Variants in TMEM108 observed in about 807,000 individuals in gnomAD.
The protein encoded by TMEM108 is cancer/testis antigen 124.
Under a neutral mutation model 35.1 loss-of-function variants are expected in TMEM108, and 12 were observed. That is an observed-to-expected ratio of 0.34 (90% CI 0.22 to 0.55). The LOEUF is 0.55. Ranked by LOEUF, TMEM108 falls within the 20% of genes least tolerant of loss-of-function variation. The pLI, the probability that TMEM108 is intolerant of heterozygous loss-of-function variation, is 0.89. For synonymous variants in TMEM108, 287 were observed against 308.6 expected, an observed-to-expected ratio of 0.93 and a Z score of 0.73; for missense variants, 680 against 753.3, an observed-to-expected ratio of 0.90 and a Z score of 1.14.
intron 3 of TMEM108, among the ~76,000 whole-genome samples, chr3:133,375,668 G>GT (rs1414753869): frequency 6.6e-6 from 1 of 152,214 alleles, no homozygotes; most frequent in Non-Finnish European, 1.5e-5. Context: ...AAGAAGAGAG[G>GT]TAAATGCTTG....
chr3:133,099,815 G>T (rs914632582), intron 2 of TMEM108, among the ~76,000 whole-genome samples: 15 of 152,122 alleles, frequency 9.9e-5, no homozygotes, highest in Non-Finnish European at 8.8e-5. Context: ...ATCACTATCA[G>T]CATTTTTGTC....
intron 2 of TMEM108, among the ~76,000 whole-genome samples, chr3:133,052,271 C>G (rs1001487738): frequency 1.3e-5 from 2 of 151,776 alleles, no homozygotes; most frequent in African/African-American, 4.8e-5. Flanking sequence ...TTTTTTATTT[C>G]AAATTTCATT....
At chr3:133,237,583 G>A (rs1946256980) in intron 3 of TMEM108, among the ~76,000 whole-genome samples, 2 of 152,074 alleles carry the variant, frequency 1.3e-5, no homozygotes, top group African/African-American at 4.8e-5. Flanking sequence ...GGACCCCTGA[G>A]GCTTTTACAA....
rs1559888647 is a variant in TMEM108, at chr3:133,272,313, T to TGTGTG, written c.40+42962_40+42963insGTGTG. On this transcript the variant is annotated intron_variant, in intron 3 of 5. Transcript: ENST00000321871. The stretch of plus-strand genomic sequence containing the variant: ...TGTGTGTGTGTGTGTGTGTGTGTGT[T>TGTGTG]TCCTAAAGGAGGACTTATTTTAATA... Among the ~76,000 whole-genome samples, 217 of 98,022 alleles carry TGTGTG rather than the reference T, an allele frequency of 2.2e-3. 2 individuals carry two copies. Among genetic ancestry groups the TGTGTG allele is most frequent in the African/African-American group, 5.9e-3 (129 of 21,830 alleles). 64.3% of individuals were successfully genotyped at this position (98,022 alleles called of 152,430 possible). A position where few individuals can be genotyped will look rare whatever the true frequency, so the allele number is the denominator to read the frequency against.
At chr3:133,318,554 C>T (rs2071225842) in intron 3 of TMEM108, among the ~76,000 whole-genome samples, 1 of 152,146 alleles carries the variant, frequency 6.6e-6, no homozygotes, top group Non-Finnish European at 1.5e-5. Flanking sequence ...GCATGACACC[C>T]AGCCATGTTC....
At chr3:133,376,391 C>A (rs186582393) in intron 3 of TMEM108, among the ~76,000 whole-genome samples, 122 of 152,272 alleles carry the variant, frequency 8.0e-4, no homozygotes, top group African/African-American at 2.9e-3. Context: ...GGTCTCCGGT[C>A]TTTTATTGTA....
chr3:133,114,320 C>T (rs961055923), intron 2 of TMEM108, among the ~76,000 whole-genome samples: 2 of 152,148 alleles, frequency 1.3e-5, no homozygotes, highest in Admixed American at 1.3e-4. Flanking sequence ...ACCCTAGAAT[C>T]TATGGCAAGT....
chr3:133,132,892 A>G (rs1944509431), intron 2 of TMEM108, among the ~76,000 whole-genome samples: 1 of 152,138 alleles, frequency 6.6e-6, no homozygotes, highest in Non-Finnish European at 1.5e-5. Context: ...ATCCTCATGG[A>G]TGACTTGGAA....
At chr3:133,066,021 TGAGGATTTTA>T (rs1176407722) in intron 2 of TMEM108, among the ~76,000 whole-genome samples, 2 of 152,198 alleles carry the variant, frequency 1.3e-5, no homozygotes, top group African/African-American at 4.8e-5. Context: ...TGTGGTTTTT[TGAGGATTTTA>T]TTGTCATAAT....
chr3:133,339,688 G>T (rs530485797), intron 3 of TMEM108, among the ~76,000 whole-genome samples: 7 of 152,018 alleles, frequency 4.6e-5, no homozygotes, highest in Admixed American at 3.3e-4. Context: ...CTAAAGAATA[G>T]ACCATGTGTC....
At chr3:133,168,483 G>C (rs1945077814) in intron 2 of TMEM108, among the ~76,000 whole-genome samples, 1 of 152,046 alleles carries the variant, frequency 6.6e-6, no homozygotes, top group Admixed American at 6.5e-5. Flanking sequence ...AGCTGGCTGG[G>C]CTTCTGGGTC....
intron 3 of TMEM108, among the ~76,000 whole-genome samples, chr3:133,315,248 A>G (rs1189692498): frequency 6.6e-6 from 1 of 152,236 alleles, no homozygotes; most frequent in Non-Finnish European, 1.5e-5. Flanking sequence ...TGGTTCAGTA[A>G]CTTGCCTAAG....
At chr3:133,205,132 C>CTTTTTTT (rs56148731) in intron 2 of TMEM108, among the ~76,000 whole-genome samples, 1 of 146,160 alleles carries the variant, frequency 6.8e-6, no homozygotes, top group Non-Finnish European at 1.5e-5. Flanking sequence ...ACCCCTGCTG[C>CTTTTTTT]TTTTTTTTTT....
intron 2 of TMEM108, among the ~76,000 whole-genome samples, chr3:133,137,089 C>G (rs191929350): frequency 1.3e-5 from 2 of 152,162 alleles, no homozygotes; most frequent in Non-Finnish European, 2.9e-5. Context: ...TGCATAGAGA[C>G]GGTGTTTATC....
chr3:133,221,327 A>G (rs1308738504), intron 2 of TMEM108, among the ~76,000 whole-genome samples: 3 of 152,100 alleles, frequency 2.0e-5, no homozygotes, highest in Admixed American at 2.0e-4. Context: ...AGGAATTCCA[A>G]GGGATTTAGG....
At chr3:133,088,633 CTG>C (rs1453223758) in intron 2 of TMEM108, among the ~76,000 whole-genome samples, 3 of 152,190 alleles carry the variant, frequency 2.0e-5, no homozygotes, top group African/African-American at 7.2e-5. Flanking sequence ...TATATTCACA[CTG>C]TATTTGAATA....
At chr3:133,178,761 TG>T (rs1461445530) in intron 2 of TMEM108, among the ~76,000 whole-genome samples, 1 of 152,206 alleles carries the variant, frequency 6.6e-6, no homozygotes, top group Non-Finnish European at 1.5e-5. Flanking sequence ...AAGGACTTCA[TG>T]TCTAAAACAC....
chr3:133,087,052 A>AT (rs1197263312), intron 2 of TMEM108, among the ~76,000 whole-genome samples: 1 of 152,186 alleles, frequency 6.6e-6, no homozygotes, highest in East Asian at 1.9e-4. Context: ...CAACTTTAGG[A>AT]TCTTGGCTCT....
intron 3 of TMEM108, among the ~76,000 whole-genome samples, chr3:133,376,387 C>T (rs1034661137): frequency 3.3e-5 from 5 of 152,136 alleles, no homozygotes; most frequent in Admixed American, 2.0e-4. Flanking sequence ...CCTTGGTCTC[C>T]GGTCTTTTAT....
Sources: gnomAD v4.1 joint callset for allele counts (sites outside exome capture counted in the v4.1 genomes callset) on GRCh38, gnomAD v4.1.1 for gene constraint, MANE v1.5 for transcripts, NCBI Gene and HGNC (gene_info 2026-07-23, HGNC 2026-07-21) for gene names.